Variants in STARD9 observed in about 807,000 individuals in gnomAD.
STARD9 encodes StAR related lipid transfer domain containing 9.
In STARD9, 346 loss-of-function variants were observed where a neutral mutation model predicts 399.8. The observed-to-expected ratio is 0.87, with a 90% CI of 0.79 to 0.95. The LOEUF is 0.95. Among genes scored for constraint, STARD9 ranks in the 40% least tolerant of loss-of-function variants. STARD9 has a pLI of 0.00. For synonymous variants in STARD9, 2,203 were observed against 2,143.5 expected (o/e 1.03, Z -0.77); for missense variants, 5,832 against 5,667.5 (o/e 1.03, Z -0.93).
At chr15:42,654,512 G>C (rs2059824674) in intron 9 of STARD9, among the ~76,000 whole-genome samples, 1 of 152,178 alleles carries the variant, frequency 6.6e-6, no homozygotes, top group Non-Finnish European at 1.5e-5. Context: ...CTGACAACAT[G>C]ATTGTATACC....
chr15:42,600,257 C>A (rs2058594982), intron 3 of STARD9, among the ~76,000 whole-genome samples: 1 of 152,116 alleles, frequency 6.6e-6, no homozygotes, highest in Admixed American at 6.5e-5. Context: ...CTATATAGGA[C>A]ATGTCATCAC....
rs2058719874 is a variant in STARD9 at position 42,606,244 on chromosome 15, A to G, written c.234+20607A>G. On this transcript the variant is annotated intron_variant, in intron 3 of 32. Transcript: ENST00000290607. ...ATGAAGCCCAGTTTTAGTCCATTCTACTGTCTCACCACATCCTGCTACCTT... is the reference window on the plus strand; with the variant it reads ...ATGAAGCCCAGTTTTAGTCCATTCTGCTGTCTCACCACATCCTGCTACCTT... Among the ~76,000 whole-genome samples, 10 of 152,180 alleles carry G rather than the reference A, an allele frequency of 6.6e-5. No individual in the cohort carries two copies. The South Asian group carries it at 8.3e-4, about 13-fold the overall frequency.
At chr15:42,596,407 T>C (rs2058505706) in intron 3 of STARD9, among the ~76,000 whole-genome samples, 1 of 152,182 alleles carries the variant, frequency 6.6e-6, no homozygotes, top group Admixed American at 6.5e-5. Flanking sequence ...GGAAGAGAAG[T>C]ATGATGATGG....
rs1477494486 is a variant in STARD9, at chr15:42,693,828, C to T, written c.12250C>T (p.His4084Tyr). Residue 4084 changes from histidine (H) to tyrosine (Y), a missense_variant, in exon 23 of 33, where the codon CAC (histidine) becomes TAC (tyrosine). His to Tyr is a moderately conservative substitution (Grantham distance 83). Transcript: ENST00000290607. The part of the protein sequence containing the change: ...DRPSSWGGLQ[H>Y]LSPCPVSELT... ...ACCTTCTTCATGGGGAGGCCTCCAGCACCTCAGCCCCTGCCCTGTCTCTGA... is the reference window on the plus strand; with the variant it reads ...ACCTTCTTCATGGGGAGGCCTCCAGTACCTCAGCCCCTGCCCTGTCTCTGA... 1.3e-6 allele frequency: 2 copies of T among 1,536,494 alleles called. No homozygotes were observed. Among genetic ancestry groups the T allele is most frequent in the Non-Finnish European group, 1.7e-6 (2 of 1,146,696 alleles).
Position 42,675,931 on chromosome 15 carries a change from C to T in STARD9, c.1830C>T (p.Leu610=), listed in dbSNP as rs191342069. The part of the protein sequence containing the change: ...SLEWLDLDGD[L]AASRLGLSPL... ...AGTGGCTGGATTTGGATGGAGATCT[C>T]GCTGCCTCCCGGCTGGGTCTCTCCC... Residue 610 remains leucine, a synonymous_variant, in exon 20 of 33, where the codon CTC becomes CTT. Transcript: ENST00000290607. 7.9e-4 allele frequency: 1,215 copies of T among 1,536,956 alleles called. 1 individual carries two copies. The highest frequency in any genetic ancestry group is 9.9e-4 in the Non-Finnish European group (1,136 of 1,146,856).
At chr15:42,597,920 C>G (rs1160409046) in intron 3 of STARD9, among the ~76,000 whole-genome samples, 1 of 151,972 alleles carries the variant, frequency 6.6e-6, no homozygotes, top group Non-Finnish European at 1.5e-5. Flanking sequence ...ATCTGCCTGC[C>G]TCAGCCTCCC....
At chr15:42,641,551 T>C (rs1042048711) in intron 7 of STARD9, among the ~76,000 whole-genome samples, 2 of 141,200 alleles carry the variant, frequency 1.4e-5, no homozygotes, top group Non-Finnish European at 3.1e-5. Context: ...ATGTTCCCCT[T>C]CCTGTGTCCA....
intron 3 of STARD9, among the ~76,000 whole-genome samples, chr15:42,609,954 A>G (rs56102728): frequency 2.6e-5 from 4 of 152,034 alleles, no homozygotes; most frequent in African/African-American, 7.2e-5. Flanking sequence ...TTAGCTGAGC[A>G]TGGTGGTGGG....
chr15:42,627,981 T>G (rs940970942), intron 3 of STARD9, among the ~76,000 whole-genome samples: 1 of 152,188 alleles, frequency 6.6e-6, no homozygotes, highest in Admixed American at 6.5e-5. Context: ...AATTTTATCT[T>G]TAGTGTTTTT....
chr15:42,606,450 C>T (rs759632473), intron 3 of STARD9, among the ~76,000 whole-genome samples: 5 of 151,962 alleles, frequency 3.3e-5, no homozygotes, highest in East Asian at 1.9e-4. Context: ...TGCAGAACAC[C>T]ACCTATTTTT....
At position 42,689,690 on chromosome 15, in the gene STARD9, A is replaced by G. The variant is rs2060644548; in HGVS notation, c.8112A>G (p.Lys2704=). The change falls in exon 23 of 33, where the codon AAA becomes AAG. Residue 2704 remains lysine (K), a synonymous_variant. Coordinates refer to ENST00000290607, the MANE Select transcript of STARD9 (RefSeq NM_020759.3). ...CTAGTTCTTCTGAAATCATAGAGAAAAAGAAAGATGCAACCAGAACACCTT... is the reference window on the plus strand; with the variant it reads ...CTAGTTCTTCTGAAATCATAGAGAAGAAGAAAGATGCAACCAGAACACCTT... The part of the protein sequence containing the change: ...CHSSSSEIIE[K]KKDATRTPSS... 6.5e-7 allele frequency: 1 copy of G among 1,537,732 alleles called. No individual in the cohort carries two copies. Among genetic ancestry groups the G allele is most frequent in the Admixed American group, 2.0e-5 (1 of 50,996 alleles).
chr15:42,649,598 C>T (rs2059716579), intron 7 of STARD9, among the ~76,000 whole-genome samples: 1 of 147,092 alleles, frequency 6.8e-6, no homozygotes, highest in African/African-American at 2.5e-5. Flanking sequence ...TTGCTCTTAT[C>T]GCCCAGGCTG....
intron 32 of STARD9, 62 bp from the exon 33 acceptor site, chr15:42,719,411 G>A: frequency 9.1e-7 from 1 of 1,098,688 alleles, no homozygotes; most frequent in Middle Eastern, 2.1e-4. Context: ...CATGGGACTG[G>A]AGTACGCCTG....
At chr15:42,675,559 A>G in intron 18 of STARD9, 105 bp from the exon 19 acceptor site, 6 of 811,154 alleles carry the variant, frequency 7.4e-6, no homozygotes, top group Non-Finnish European at 1.2e-5. Context: ...CAAAATTATC[A>G]GTTATCGAGG....
chr15:42,642,565 A>G (rs886498835), intron 7 of STARD9, among the ~76,000 whole-genome samples: 21 of 152,170 alleles, frequency 1.4e-4, no homozygotes, highest in African/African-American at 5.1e-4. Context: ...CTCAATCTAT[A>G]AGTCACAGGA....
chr15:42,610,944 G>A (rs1212116683), intron 3 of STARD9, among the ~76,000 whole-genome samples: 5 of 152,184 alleles, frequency 3.3e-5, no homozygotes, highest in Non-Finnish European at 7.3e-5. Context: ...AAAATGGGTC[G>A]AGGTGATCTG....
At chr15:42,596,028 G>A (rs78898799) in intron 3 of STARD9, among the ~76,000 whole-genome samples, 5,603 of 152,264 alleles carry the variant, frequency 0.037, 368 homozygotes, top group African/African-American at 0.13. Context: ...TTTGCTGCTC[G>A]TGGCACATGA....
intron 26 of STARD9, among the ~76,000 whole-genome samples, chr15:42,714,313 G>A (rs1283589255): frequency 2.0e-5 from 3 of 151,968 alleles, no homozygotes; most frequent in Admixed American, 6.6e-5. Flanking sequence ...TGATCCACCC[G>A]CCTCGGCCTA....
intron 4 of STARD9, 58 bp from the exon 5 acceptor site, chr15:42,637,849 G>T (rs991210015): frequency 3.3e-6 from 5 of 1,517,008 alleles, no homozygotes; most frequent in South Asian, 1.2e-5. Flanking sequence ...TGGGTATTCT[G>T]TGGGGGAGAG....
Sources: gnomAD v4.1 joint callset for allele counts (sites outside exome capture counted in the v4.1 genomes callset) on GRCh38, gnomAD v4.1.1 for gene constraint, MANE v1.5 for transcripts, NCBI Gene and HGNC (gene_info 2026-07-23, HGNC 2026-07-21) for gene names.